HEXB: variants seen among roughly 807,000 people sequenced by gnomAD.
The protein encoded by HEXB is beta-hexosaminidase subunit beta.
In HEXB, 51 loss-of-function variants were observed where a neutral mutation model predicts 71.2. The ratio of observed to expected loss-of-function variants is 0.72; its 90% CI spans 0.57 to 0.90. The LOEUF is 0.90. HEXB is among the 40% of genes least tolerant of loss of function. HEXB has a pLI of 0.00. For synonymous variants in HEXB, 266 were observed against 249.3 expected, an observed-to-expected ratio of 1.07 and a Z score of -0.63; for missense variants, 617 against 677.0, an observed-to-expected ratio of 0.91 and a Z score of 0.98.
intron 1 of HEXB, among the ~76,000 whole-genome samples, chr5:74,686,520 A>C (rs975573597): frequency 2.6e-5 from 4 of 152,192 alleles, no homozygotes; most frequent in African/African-American, 9.7e-5. Context: ...TGGGGAGGGA[A>C]TGTCAAACTA....
chr5:74,690,823 A>G (rs820875), intron 2 of HEXB, among the ~76,000 whole-genome samples: 83,006 of 151,880 alleles, frequency 0.55, 23,336 homozygotes, highest in South Asian at 0.65. Context: ...CTCTTTGAAA[A>G]AAAGCTTTCT....
Position 74,659,444 on chromosome 5 carries a change from A to C in HEXB, c.-377+18886A>C, listed in dbSNP as rs1391594060. On this transcript the variant is annotated intron_variant, in intron 1 of 13. Transcript: ENST00000511181. ...CACTTGTCTGTCTCAGGGAAATTAC[A>C]AAAATGATAGCGGGGAAGCCACAGG... is the stretch of plus-strand genomic sequence containing the variant. Among the ~76,000 whole-genome samples the C allele has an allele frequency of 3.9e-5, 6 of 152,224 alleles. 1 individual carries two copies. The highest frequency in any genetic ancestry group is 8.8e-5 in the Non-Finnish European group (6 of 68,042).
At chr5:74,708,858 C>G (rs1239366879) in intron 6 of HEXB, among the ~76,000 whole-genome samples, 1 of 152,032 alleles carries the variant, frequency 6.6e-6, no homozygotes, top group Admixed American at 6.6e-5. Flanking sequence ...CTTTAACACC[C>G]TACTGTCAAC....
chr5:74,655,066 C>A (rs577052050), intron 1 of HEXB, among the ~76,000 whole-genome samples: 2 of 152,106 alleles, frequency 1.3e-5, no homozygotes, highest in Non-Finnish European at 2.9e-5. Context: ...GTGAGCCCCC[C>A]AAGAGAGGCT....
intron 10 of HEXB, 92 bp from the exon 11 acceptor site, chr5:74,718,705 A>C: frequency 7.8e-7 from 1 of 1,284,424 alleles, no homozygotes; most frequent in Admixed American, 1.8e-5. Flanking sequence ...GGATCTTAGA[A>C]AATTATGTTC....
intron 1 of HEXB, among the ~76,000 whole-genome samples, chr5:74,679,045 T>C (rs1465596881): frequency 6.6e-6 from 1 of 152,180 alleles, no homozygotes. Context: ...GGGGGAAAAA[T>C]TGGCACTATC....
intron 2 of HEXB, chr5:74,693,344 C>G (rs1749043328): frequency 2.1e-6 from 1 of 469,690 alleles, no homozygotes; most frequent in East Asian, 4.2e-5. Flanking sequence ...AATTCCCGTT[C>G]TGAGTGACTC....
intron 1 of HEXB, among the ~76,000 whole-genome samples, chr5:74,650,107 C>T (rs965126975): frequency 7.9e-5 from 12 of 152,194 alleles, no homozygotes; most frequent in South Asian, 2.1e-4. Context: ...TAAAAACCCA[C>T]GATGCACAGA....
intron 1 of HEXB, among the ~76,000 whole-genome samples, chr5:74,643,603 CT>C (rs1747947821): frequency 6.6e-6 from 1 of 152,182 alleles, no homozygotes; most frequent in South Asian, 2.1e-4. Context: ...AGGCTTTGGG[CT>C]TGTTATCTCC....
At chr5:74,659,117 GAA>G (rs11351656) in intron 1 of HEXB, among the ~76,000 whole-genome samples, 6 of 149,642 alleles carry the variant, frequency 4.0e-5, no homozygotes, top group South Asian at 2.1e-4. Flanking sequence ...TTTAAAACTG[GAA>G]AAAAAAAACT....
At chr5:74,659,658 C>T (rs1311114163) in intron 1 of HEXB, among the ~76,000 whole-genome samples, 1 of 152,152 alleles carries the variant, frequency 6.6e-6, no homozygotes, top group African/African-American at 2.4e-5. Context: ...AGAATAAGCC[C>T]AGCTCATTCC....
In HEXB at chr5:74,705,292, G is replaced by A; in HGVS notation, c.743G>A (p.Ser248Asn). 1 of 1,606,324 alleles carries A rather than the reference G, an allele frequency of 6.2e-7. No individual in the cohort carries two copies. The highest frequency in any genetic ancestry group is 8.5e-7 in the Non-Finnish European group (1 of 1,173,116). ...IVDDQSFPYQ[S>N]ITFPELSNKG... ...GATGACCAGTCTTTCCCATATCAGA[G>A]CATCACTTTTCCTGAGTTAAGCAAT... The change falls in exon 6 of 14, where the codon AGC (serine) becomes AAC (asparagine). Residue 248 changes from serine (S) to asparagine (N), a missense_variant. Transcript: ENST00000261416.
chr5:74,642,560 C>T (rs1213802403), intron 1 of HEXB, among the ~76,000 whole-genome samples: 2 of 152,042 alleles, frequency 1.3e-5, no homozygotes, highest in African/African-American at 4.8e-5. Flanking sequence ...CAGCCACCAA[C>T]GCACCTTTTA....
intron 1 of HEXB, among the ~76,000 whole-genome samples, chr5:74,657,093 C>A (rs866133855): frequency 6.6e-6 from 1 of 152,088 alleles, no homozygotes; most frequent in Admixed American, 6.5e-5. Context: ...GTCAACACAG[C>A]GACAAGAACA....
At chr5:74,647,191 C>T (rs1439712582) in intron 1 of HEXB, among the ~76,000 whole-genome samples, 1 of 152,192 alleles carries the variant, frequency 6.6e-6, no homozygotes, top group African/African-American at 2.4e-5. Flanking sequence ...TGGATCCAAA[C>T]TCTTAATTTG....
chr5:74,692,430 C>T (rs371335331), intron 2 of HEXB, among the ~76,000 whole-genome samples: 5 of 152,058 alleles, frequency 3.3e-5, no homozygotes, highest in African/African-American at 1.2e-4. Flanking sequence ...TGCAATGAAC[C>T]GTGATTGTGC....
rs753911873 is a variant in HEXB at position 74,689,482 on chromosome 5, C to T, written c.445+9C>T. Reference sequence around the variant, plus strand: ...ATCTTCAGATGAGTCTTGTAAGTACCTATGCAATGTGAGTGTATTATATCC... The same window carrying T: ...ATCTTCAGATGAGTCTTGTAAGTACTTATGCAATGTGAGTGTATTATATCC... On this transcript the variant is annotated intron_variant, in intron 2 of 13. Transcript: ENST00000261416. 6.8e-6 allele frequency: 11 copies of T among 1,611,182 alleles called. No individual in the cohort carries two copies. The highest frequency in any genetic ancestry group is 9.3e-6 in the Non-Finnish European group (11 of 1,177,384).
rs568040027 is a variant in HEXB, at chr5:74,670,240, C to CT, written c.-376-19076dup. ...GTGAGTGGTGCCTTTGTTTTAGCCT[C>CT]TTTTTTTTTTTTGCCTACTCACAAA... On this transcript the variant is annotated intron_variant, in intron 1 of 13. Coordinates refer to the HEXB transcript ENST00000511181. Among the ~76,000 whole-genome samples, 230 of 143,774 alleles carry CT rather than the reference C, an allele frequency of 1.6e-3. 1 individual carries two copies. Among genetic ancestry groups the CT allele is most frequent in the South Asian group, 0.01 (46 of 4,528 alleles). 94.3% of individuals were successfully genotyped at this position (143,774 alleles called of 152,430 possible). A position where few individuals can be genotyped will look rare whatever the true frequency, so the allele number is the denominator to read the frequency against.
At position 74,697,104 on chromosome 5, in the gene HEXB, C is replaced by G; in HGVS notation, c.667C>G (p.Leu223Val). 1.5e-6 allele frequency: 2 copies of G among 1,322,178 alleles called. No homozygotes were observed. The highest frequency in any genetic ancestry group is 2.2e-6 in the Non-Finnish European group (2 of 914,474). The allele number at this position is 1,322,178 out of a possible 1,614,324, so 81.9% of individuals were successfully genotyped here. A position where few individuals can be genotyped will look rare whatever the true frequency, so the allele number is the denominator to read the frequency against. Residue 223 changes from leucine (L) to valine (V), a missense_variant and splice_region_variant, in exon 5 of 14, where the codon CTG becomes GTG. Coordinates refer to ENST00000261416, the MANE Select transcript of HEXB (RefSeq NM_000521.4). ...YLPVKIILKT[L>V]DAMAFNKFNV... ...GCCAGTTAAGATTATTCTTAAAACT[C>G]TGGTAAGTAATTACTTCATTCTAAT... is the stretch of plus-strand genomic sequence containing the variant.
Sources: allele counts gnomAD v4.1 joint callset (sites outside exome capture counted in the v4.1 genomes callset), GRCh38; gene constraint gnomAD v4.1.1; transcripts MANE v1.5; gene names NCBI Gene and HGNC (gene_info 2026-07-23, HGNC 2026-07-21).